Variants in ESRRG observed in about 807,000 individuals in gnomAD.
ESRRG encodes estrogen related receptor gamma.
A neutral mutation model predicts 44.0 loss-of-function variants in ESRRG; 13 were observed. The ratio of observed to expected loss-of-function variants is 0.30; its 90% CI spans 0.19 to 0.47. ESRRG has a LOEUF of 0.47. ESRRG is among the 20% of genes least tolerant of loss of function. ESRRG has a pLI of 1.00. For missense variants in ESRRG, 395 were observed against 580.6 expected, an observed-to-expected ratio of 0.68 and a Z score of 3.29; for synonymous variants, 215 against 214.6, an observed-to-expected ratio of 1.00 and a Z score of -0.02.
chr1:216,820,041 A>G (rs1312606556), intron 2 of ESRRG, among the ~76,000 whole-genome samples: 1 of 152,212 alleles, frequency 6.6e-6, no homozygotes, highest in Non-Finnish European at 1.5e-5. Flanking sequence ...GGGAGAAAAT[A>G]AGCGTTTCTT....
intron 2 of ESRRG, among the ~76,000 whole-genome samples, chr1:216,729,204 G>C (rs762425697): frequency 1.1e-4 from 17 of 152,148 alleles, no homozygotes; most frequent in Non-Finnish European, 2.2e-4. Context: ...CCCAGTTTGG[G>C]GACCATATGA....
intron 2 of ESRRG, among the ~76,000 whole-genome samples, chr1:216,732,416 G>T (rs925730374): frequency 2.0e-5 from 3 of 148,242 alleles, no homozygotes; most frequent in Admixed American, 6.8e-5. Context: ...TTACTGTGTC[G>T]CCCAGGCTGG....
chr1:217,002,667 A>T (rs1221248945), intron 1 of ESRRG, among the ~76,000 whole-genome samples: 2 of 152,142 alleles, frequency 1.3e-5, no homozygotes, highest in Admixed American at 1.3e-4. Flanking sequence ...CATAAAAGGC[A>T]TTATAGCTTT....
Position 216,855,881 on chromosome 1 carries a change from C to T in ESRRG, c.-14+83701G>A, listed in dbSNP as rs560114692. Reference sequence around the variant, plus strand: ...CCTCCCACTCTTTCCATTCTCATTTCTTTCTCTCATGTTTATGGACTTTAT... The same window carrying T: ...CCTCCCACTCTTTCCATTCTCATTTTTTTCTCTCATGTTTATGGACTTTAT... On this transcript the variant is annotated intron_variant, in intron 2 of 7. Transcript: ENST00000359162. 2.0e-5 allele frequency among the ~76,000 whole-genome samples: 3 copies of T among 152,260 alleles called. No homozygotes were observed. In the South Asian group the frequency reaches 6.2e-4, roughly 32 times the overall value.
intron 1 of ESRRG, among the ~76,000 whole-genome samples, chr1:217,007,773 A>G (rs1333446441): frequency 1.3e-5 from 2 of 152,012 alleles, no homozygotes; most frequent in Non-Finnish European, 2.9e-5. Flanking sequence ...CTTATTCACT[A>G]TATATGGACT....
chr1:216,810,624 G>A (rs1003601301), intron 2 of ESRRG, among the ~76,000 whole-genome samples: 1 of 146,736 alleles, frequency 6.8e-6, no homozygotes, highest in African/African-American at 2.5e-5. Context: ...TATTCTATAT[G>A]GTATATAGTT....
chr1:216,884,052 T>C (rs2096486174), intron 2 of ESRRG, among the ~76,000 whole-genome samples: 1 of 152,216 alleles, frequency 6.6e-6, no homozygotes, highest in South Asian at 2.1e-4. Flanking sequence ...ATTACCAAAC[T>C]TCTTACCTTG....
intron 1 of ESRRG, among the ~76,000 whole-genome samples, chr1:217,095,922 A>G (rs1422819231): frequency 1.3e-5 from 2 of 152,226 alleles, no homozygotes; most frequent in East Asian, 1.9e-4. Context: ...TTTAAAGAAG[A>G]CATTTATGGC....
chr1:216,754,096 C>T (rs1420207665), intron 2 of ESRRG, among the ~76,000 whole-genome samples: 1 of 151,922 alleles, frequency 6.6e-6, no homozygotes, highest in East Asian at 1.9e-4. Flanking sequence ...TAAGAGCTTT[C>T]AAAAGTAACT....
intron 1 of ESRRG, among the ~76,000 whole-genome samples, chr1:216,709,329 A>ATG (rs201655451): frequency 0.069 from 6,341 of 92,358 alleles, 202 homozygotes; most frequent in Admixed American, 0.12. Context: ...ATATATGTGT[A>ATG]TGTGTGTGTG....
At chr1:216,599,750 A>G (rs1464134973) in intron 3 of ESRRG, among the ~76,000 whole-genome samples, 1 of 152,018 alleles carries the variant, frequency 6.6e-6, no homozygotes, top group African/African-American at 2.4e-5. Flanking sequence ...GACCATGAAG[A>G]GTGCGTGATA....
intron 2 of ESRRG, among the ~76,000 whole-genome samples, chr1:216,676,281 G>A (rs1016822533): frequency 1.3e-5 from 2 of 152,062 alleles, no homozygotes; most frequent in Admixed American, 6.6e-5. Flanking sequence ...TTTCTACACT[G>A]TATGGCGGAA....
At chr1:216,827,420 G>A (rs989478362) in intron 2 of ESRRG, among the ~76,000 whole-genome samples, 5 of 152,118 alleles carry the variant, frequency 3.3e-5, no homozygotes, top group African/African-American at 1.2e-4. Flanking sequence ...AATAACTGCA[G>A]GGAATGCTGA....
At chr1:216,656,107 A>G (rs2070471583) in intron 2 of ESRRG, among the ~76,000 whole-genome samples, 1 of 152,140 alleles carries the variant, frequency 6.6e-6, no homozygotes, top group Non-Finnish European at 1.5e-5. Context: ...AATAGCAACT[A>G]TGGGCACCTG....
chr1:216,679,691 C>G (rs940265751), intron 1 of ESRRG, among the ~76,000 whole-genome samples: 33 of 146,178 alleles, frequency 2.3e-4, no homozygotes, highest in African/African-American at 7.5e-4. Context: ...TTCAGACCCT[C>G]TTTTTAAATT....
At chr1:217,117,528 T>A (rs1170170486) in intron 1 of ESRRG, among the ~76,000 whole-genome samples, 2 of 152,120 alleles carry the variant, frequency 1.3e-5, no homozygotes. Flanking sequence ...CAAGCTGTAG[T>A]GAGCCATGAT....
chr1:216,533,268 GA>G (rs891135257), intron 5 of ESRRG, among the ~76,000 whole-genome samples: 24 of 149,664 alleles, frequency 1.6e-4, no homozygotes, highest in East Asian at 3.9e-4. Flanking sequence ...AAGATGAGAT[GA>G]AAAAAAAATA....
At chr1:216,924,946 C>G (rs1353809859) in intron 2 of ESRRG, among the ~76,000 whole-genome samples, 1 of 152,046 alleles carries the variant, frequency 6.6e-6, no homozygotes, top group Non-Finnish European at 1.5e-5. Context: ...GTAGCTCTCC[C>G]CAGCATACCC....
At chr1:216,580,411 T>C (rs2062537899) in intron 3 of ESRRG, among the ~76,000 whole-genome samples, 1 of 152,140 alleles carries the variant, frequency 6.6e-6, no homozygotes. Context: ...AAAAAGGAGT[T>C]GGCTGAAAGG....
Sources: allele counts gnomAD v4.1 joint callset (sites outside exome capture counted in the v4.1 genomes callset), GRCh38; gene constraint gnomAD v4.1.1; transcripts MANE v1.5; gene names NCBI Gene and HGNC (gene_info 2026-07-23, HGNC 2026-07-21).